Variants in AUH observed in about 807,000 individuals in gnomAD.
AUH encodes the protein methylglutaconyl-CoA hydratase, mitochondrial.
In AUH, 29 loss-of-function variants were observed where a neutral mutation model predicts 42.3. That is an observed-to-expected ratio of 0.69 (90% CI 0.51 to 0.93). AUH has a LOEUF of 0.93. AUH is among the 40% of genes least tolerant of loss of function. The pLI, the probability that AUH is intolerant of heterozygous loss-of-function variation, is 0.00. For missense variants in AUH, 452 were observed against 438.1 expected, an observed-to-expected ratio of 1.03 and a Z score of -0.28; for synonymous variants, 174 against 166.4, an observed-to-expected ratio of 1.05 and a Z score of -0.35.
intron 4 of AUH, among the ~76,000 whole-genome samples, chr9:91,299,486 A>T (rs1485850873): frequency 6.6e-6 from 1 of 152,056 alleles, no homozygotes; most frequent in African/African-American, 2.4e-5. Context: ...GCTTTTGCAC[A>T]GGCAGTATTT....
chr9:91,313,728 A>AG (rs1293841098), intron 4 of AUH, among the ~76,000 whole-genome samples: 9 of 151,136 alleles, frequency 6.0e-5, no homozygotes, highest in African/African-American at 1.9e-4. Context: ...AAAAAAAAAA[A>AG]AAAGAAAATG....
chr9:91,217,663 T>C (rs1826901758), intron 7 of AUH, among the ~76,000 whole-genome samples: 1 of 152,188 alleles, frequency 6.6e-6, no homozygotes, highest in African/African-American at 2.4e-5. Flanking sequence ...GAGGTAGTCT[T>C]TGCCTCAGTA....
At chr9:91,347,209 GTTTTTTGT>G (rs1831580121) in intron 3 of AUH, among the ~76,000 whole-genome samples, 1 of 75,210 alleles carries the variant, frequency 1.3e-5, no homozygotes, top group Non-Finnish European at 3.1e-5. Flanking sequence ...AGTTAAGAGG[GTTTTTTGT>G]TTGTTTGTTT....
intron 3 of AUH, among the ~76,000 whole-genome samples, chr9:91,336,849 C>T (rs770051667): frequency 3.9e-5 from 6 of 152,282 alleles, no homozygotes; most frequent in East Asian, 1.9e-4. Flanking sequence ...TTTGAAAACA[C>T]TGATGGCTCT....
At chr9:91,264,877 C>T (rs1829888679) in intron 6 of AUH, among the ~76,000 whole-genome samples, 1 of 152,196 alleles carries the variant, frequency 6.6e-6, no homozygotes, top group Non-Finnish European at 1.5e-5. Flanking sequence ...TATCTATATA[C>T]ACCTCAGGTA....
At chr9:91,240,388 C>A (rs1019011384) in intron 6 of AUH, among the ~76,000 whole-genome samples, 2 of 152,180 alleles carry the variant, frequency 1.3e-5, no homozygotes, top group African/African-American at 4.8e-5. Context: ...CTCACTCACA[C>A]CCATATGACC....
intron 6 of AUH, among the ~76,000 whole-genome samples, chr9:91,251,533 C>A (rs1363736244): frequency 6.6e-6 from 1 of 152,112 alleles, no homozygotes; most frequent in Non-Finnish European, 1.5e-5. Flanking sequence ...ACTGGCTGAT[C>A]ATGTATTCAT....
At chr9:91,357,053 T>C (rs989596425) in intron 1 of AUH, among the ~76,000 whole-genome samples, 5 of 152,234 alleles carry the variant, frequency 3.3e-5, no homozygotes, top group Non-Finnish European at 5.9e-5. Context: ...CTTTAAAGTA[T>C]AAAGATGAAC....
chr9:91,241,286 T>G (rs1313204209), intron 6 of AUH, among the ~76,000 whole-genome samples: 1 of 152,176 alleles, frequency 6.6e-6, no homozygotes, highest in African/African-American at 2.4e-5. Context: ...GTAAGACATC[T>G]ACCTACCTAC....
At chr9:91,351,161 G>A (rs1457526349) in intron 3 of AUH, among the ~76,000 whole-genome samples, 1 of 152,072 alleles carries the variant, frequency 6.6e-6, no homozygotes, top group Non-Finnish European at 1.5e-5. Context: ...TGGAGAGACA[G>A]GGTTTTGCCA....
intron 3 of AUH, among the ~76,000 whole-genome samples, chr9:91,328,686 G>A (rs1353227565): frequency 1.3e-5 from 2 of 152,072 alleles, no homozygotes; most frequent in African/African-American, 2.4e-5. Flanking sequence ...CCAAATTAAT[G>A]AAATAAAGGT....
intron 3 of AUH, among the ~76,000 whole-genome samples, chr9:91,341,095 T>C (rs1043898392): frequency 3.9e-5 from 6 of 152,196 alleles, no homozygotes; most frequent in Non-Finnish European, 5.9e-5. Context: ...TCTCCCTTTC[T>C]AACTGCCGGA....
intron 6 of AUH, among the ~76,000 whole-genome samples, chr9:91,234,150 G>A (rs1828045054): frequency 6.6e-6 from 1 of 152,054 alleles, no homozygotes; most frequent in East Asian, 1.9e-4. Flanking sequence ...GACCCCTTTG[G>A]CCACCCCTCT....
At chr9:91,220,013 C>A (rs1486832833) in intron 7 of AUH, among the ~76,000 whole-genome samples, 1 of 152,192 alleles carries the variant, frequency 6.6e-6, no homozygotes, top group Non-Finnish European at 1.5e-5. Flanking sequence ...AAACTTCAAA[C>A]TCCACTAGGA....
At chr9:91,305,380 C>T (rs2131715501) in intron 4 of AUH, among the ~76,000 whole-genome samples, 1 of 152,308 alleles carries the variant, frequency 6.6e-6, no homozygotes, top group African/African-American at 2.4e-5. Context: ...GTATACTATG[C>T]TTATGCTGAC....
chr9:91,303,032 A>G (rs969170741), intron 4 of AUH, among the ~76,000 whole-genome samples: 1 of 152,192 alleles, frequency 6.6e-6, no homozygotes, highest in Non-Finnish European at 1.5e-5. Flanking sequence ...TGAGCCAGGT[A>G]TGACAAAGAA....
chr9:91,271,636 A>G (rs927122980), intron 6 of AUH, among the ~76,000 whole-genome samples: 2 of 152,230 alleles, frequency 1.3e-5, no homozygotes, highest in Non-Finnish European at 2.9e-5. Flanking sequence ...GCATAATAAG[A>G]TATTATATTA....
intron 3 of AUH, among the ~76,000 whole-genome samples, chr9:91,337,052 T>G (rs1024261990): frequency 6.6e-6 from 1 of 152,190 alleles, no homozygotes; most frequent in African/African-American, 2.4e-5. Flanking sequence ...AAGTAAATGT[T>G]CACATATAAA....
chr9:91,221,226 G>A (rs1340694987), intron 6 of AUH, among the ~76,000 whole-genome samples: 1 of 152,178 alleles, frequency 6.6e-6, no homozygotes, highest in East Asian at 1.9e-4. Context: ...TTTTGGCACT[G>A]AGTATCACCT....
Sources: allele counts gnomAD v4.1 joint callset (sites outside exome capture counted in the v4.1 genomes callset), GRCh38; gene constraint gnomAD v4.1.1; transcripts MANE v1.5; gene names NCBI Gene and HGNC (gene_info 2026-07-23, HGNC 2026-07-21).